The following FSTL5 variants were observed in gnomAD, a reference collection of about 807,000 sequenced individuals.
FSTL5 encodes follistatin like 5, also known as follistatin-related protein 5.
Under a neutral mutation model 89.1 loss-of-function variants are expected in FSTL5, and 62 were observed. The observed-to-expected ratio is 0.70, with a 90% CI of 0.57 to 0.86. The LOEUF (loss-of-function observed/expected upper bound fraction) is 0.86, where lower values mean the gene tolerates loss of function less well. FSTL5 is among the 40% of genes least tolerant of loss of function. The probability of loss-of-function intolerance (pLI) is 0.00; values close to 1 mark genes in which losing one functional copy is unlikely to be tolerated. For synonymous variants in FSTL5, 383 were observed against 346.2 expected (o/e 1.11, Z -1.18); for missense variants, 1,057 against 1,001.6 (o/e 1.06, Z -0.75).
intron 11 of FSTL5, among the ~76,000 whole-genome samples, chr4:161,509,594 C>T (rs1730590361): frequency 1.3e-5 from 2 of 152,052 alleles, no homozygotes; most frequent in South Asian, 4.1e-4. Context: ...CTGGCTTTCA[C>T]AGGGTACAGT....
intron 6 of FSTL5, among the ~76,000 whole-genome samples, chr4:161,689,976 T>C (rs759503681): frequency 2.2e-4 from 33 of 152,272 alleles, no homozygotes; most frequent in Admixed American, 1.5e-3. Context: ...TGTATTAGTA[T>C]TTCATTTGTT....
intron 15 of FSTL5, among the ~76,000 whole-genome samples, chr4:161,451,028 G>A (rs1733145492): frequency 6.6e-6 from 1 of 152,010 alleles, no homozygotes; most frequent in East Asian, 1.9e-4. Context: ...ACAGGCATGA[G>A]CCACTGAGCC....
At chr4:161,642,434 C>T (rs1240581883) in intron 7 of FSTL5, among the ~76,000 whole-genome samples, 1 of 151,924 alleles carries the variant, frequency 6.6e-6, no homozygotes, top group Non-Finnish European at 1.5e-5. Context: ...TAACTGTATG[C>T]CTTCTATAAA....
rs553657164 is a variant in FSTL5, at chr4:161,390,999, C to T, written c.1842-4550G>A. Among the ~76,000 whole-genome samples, 11 of 152,258 alleles carry T rather than the reference C, an allele frequency of 7.2e-5. No individual in the cohort carries two copies. In the South Asian group the frequency reaches 1.9e-3, roughly 26 times the overall value. Reference sequence around the variant, plus strand: ...ACACCACCTCAGATTTCAAAACAAGCCTTCGCACGCGCATTAATTGTTGCA... The same window carrying T: ...ACACCACCTCAGATTTCAAAACAAGTCTTCGCACGCGCATTAATTGTTGCA... On this transcript the variant is annotated intron_variant, in intron 15 of 15. Coordinates refer to ENST00000306100, the MANE Select transcript of FSTL5 (RefSeq NM_020116.5).
At chr4:161,778,173 A>T (rs960268824) in intron 4 of FSTL5, among the ~76,000 whole-genome samples, 8 of 152,168 alleles carry the variant, frequency 5.3e-5, no homozygotes, top group Non-Finnish European at 1.2e-4. Flanking sequence ...TTTTATGTGA[A>T]GGAAAATAAT....
chr4:161,431,447 A>T (rs559675416), intron 15 of FSTL5, among the ~76,000 whole-genome samples: 1 of 151,114 alleles, frequency 6.6e-6, no homozygotes, highest in African/African-American at 2.4e-5. Context: ...GTAACCTCAA[A>T]TAAAAAAAAA....
chr4:162,160,704 G>A (rs950053049), intron 1 of FSTL5, among the ~76,000 whole-genome samples: 4 of 151,304 alleles, frequency 2.6e-5, no homozygotes, highest in Admixed American at 2.6e-4. Flanking sequence ...AAATTATTAG[G>A]CAAATAACTT....
intron 4 of FSTL5, among the ~76,000 whole-genome samples, chr4:161,900,094 T>G (rs1733303582): frequency 6.6e-6 from 1 of 151,924 alleles, no homozygotes; most frequent in Admixed American, 6.6e-5. Context: ...CACAGAAGTC[T>G]GAGGCAGAAG....
chr4:161,933,022 TATG>T (rs1578872190), intron 3 of FSTL5, among the ~76,000 whole-genome samples: 2 of 152,166 alleles, frequency 1.3e-5, no homozygotes, highest in Non-Finnish European at 2.9e-5. Context: ...TTAGTTTGCG[TATG>T]ATAATCTTCT....
intron 7 of FSTL5, among the ~76,000 whole-genome samples, chr4:161,624,325 A>G (rs1406335583): frequency 6.6e-6 from 1 of 152,022 alleles, no homozygotes; most frequent in African/African-American, 2.4e-5. Context: ...CTATTTTTTG[A>G]CATTTTAATT....
intron 6 of FSTL5, among the ~76,000 whole-genome samples, chr4:161,716,963 A>G (rs934152193): frequency 6.6e-6 from 1 of 152,226 alleles, no homozygotes; most frequent in Non-Finnish European, 1.5e-5. Flanking sequence ...AGACTTAAAA[A>G]TGGCTTGAAA....
Position 161,997,884 on chromosome 4 carries a change from G to A in FSTL5, c.160+35741C>T, listed in dbSNP as rs935384048. ...CTCCCAAAGTGCTGGGATTACAGGC[G>A]TGAGCCACCGCGCCCGGCCAAGTGT... On this transcript the variant is annotated intron_variant, in intron 3 of 15. Coordinates refer to ENST00000306100, the MANE Select transcript of FSTL5 (RefSeq NM_020116.5). 4.6e-5 allele frequency among the ~76,000 whole-genome samples: 7 copies of A among 152,076 alleles called. 1 individual carries two copies. Among genetic ancestry groups the A allele is most frequent in the South Asian group, 2.1e-4 (1 of 4,820 alleles).
chr4:161,601,153 A>C (rs1344929415), intron 7 of FSTL5, among the ~76,000 whole-genome samples: 4 of 152,248 alleles, frequency 2.6e-5, no homozygotes, highest in Non-Finnish European at 4.4e-5. Context: ...GCATCTTCTT[A>C]ATGGACTTCA....
chr4:162,013,476 T>C (rs1015559105), intron 3 of FSTL5, among the ~76,000 whole-genome samples: 1 of 152,102 alleles, frequency 6.6e-6, no homozygotes, highest in Non-Finnish European at 1.5e-5. Flanking sequence ...ACTAGAATAG[T>C]TTATAGATGC....
intron 14 of FSTL5, among the ~76,000 whole-genome samples, chr4:161,456,873 G>T (rs1333609880): frequency 6.6e-6 from 1 of 152,100 alleles, no homozygotes; most frequent in Non-Finnish European, 1.5e-5. Context: ...ACATTCAAGG[G>T]AATTGACCTA....
rs60503667 is a variant in FSTL5 at position 161,633,291 on chromosome 4, TTTATTATTATTA to T, written c.894+23025_894+23036del. Among the ~76,000 whole-genome samples the T allele has an allele frequency of 3.8e-3, 536 of 140,714 alleles. 4 individuals carry two copies. Among genetic ancestry groups the T allele is most frequent in the African/African-American group, 0.013 (502 of 38,508 alleles). The allele number at this position is 140,714 out of a possible 152,430, so 92.3% of individuals were successfully genotyped here. A position where few individuals can be genotyped will look rare whatever the true frequency, so the allele number is the denominator to read the frequency against. On this transcript the variant is annotated intron_variant, in intron 7 of 15. Coordinates refer to ENST00000306100, the MANE Select transcript of FSTL5 (RefSeq NM_020116.5). ...TTTCTGTGTCTTTAAACTAATTCTTTTTATTATTATTATTATTATTATTATTATTATTATTAT... is the reference window on the plus strand; with the variant it reads ...TTTCTGTGTCTTTAAACTAATTCTTTTTATTATTATTATTATTATTATTAT...
At chr4:161,642,962 G>A (rs1022486061) in intron 7 of FSTL5, among the ~76,000 whole-genome samples, 1 of 152,108 alleles carries the variant, frequency 6.6e-6, no homozygotes, top group African/African-American at 2.4e-5. Flanking sequence ...TATGCTATGT[G>A]TATTCAACCA....
intron 4 of FSTL5, among the ~76,000 whole-genome samples, chr4:161,817,465 T>C (rs989427017): frequency 6.6e-6 from 1 of 152,204 alleles, no homozygotes; most frequent in Non-Finnish European, 1.5e-5. Flanking sequence ...TGCACGAAAG[T>C]TAAAATGTGT....
rs548940967 is a variant in FSTL5, at chr4:161,833,543, T to A, written c.410-57469A>T. 2.1e-3 allele frequency among the ~76,000 whole-genome samples: 309 copies of A among 145,528 alleles called. 3 individuals are homozygous for A. Among genetic ancestry groups the A allele is most frequent in the South Asian group, 0.015 (64 of 4,408 alleles). On this transcript the variant is annotated intron_variant, in intron 4 of 15. Transcript: ENST00000306100. ...GTCTCTTTGTAGGTCACTCAGGACT[T>A]GCTTTATGAATCTGGGTGCTCCTGT... is the stretch of plus-strand genomic sequence containing the variant.
Sources: allele counts gnomAD v4.1 joint callset (sites outside exome capture counted in the v4.1 genomes callset), GRCh38; gene constraint gnomAD v4.1.1; transcripts MANE v1.5; gene names NCBI Gene and HGNC (gene_info 2026-07-23, HGNC 2026-07-21).